Variants in WWP1 observed in about 807,000 individuals in gnomAD.
WWP1 encodes the protein WW domain containing E3 ubiquitin protein ligase 1.
In WWP1, 49 loss-of-function variants were observed where a neutral mutation model predicts 130.6. That is an observed-to-expected ratio of 0.38 (90% CI 0.30 to 0.48). The LOEUF is 0.48. WWP1 is among the 20% of genes least tolerant of loss of function. The pLI is 0.99. For synonymous variants in WWP1, 332 were observed against 367.8 expected (o/e 0.90, Z 1.11); for missense variants, 809 against 1,100.6 (o/e 0.74, Z 3.75).
chr8:86,375,065 T>C (rs1304288355), intron 3 of WWP1, among the ~76,000 whole-genome samples: 2 of 152,076 alleles, frequency 1.3e-5, no homozygotes, highest in African/African-American at 4.8e-5. Context: ...GTTTTTATCC[T>C]ACTACACCAG....
At chr8:86,436,204 A>C (rs951738013) in intron 16 of WWP1, among the ~76,000 whole-genome samples, 1 of 152,348 alleles carries the variant, frequency 6.6e-6, no homozygotes, top group South Asian at 2.1e-4. Flanking sequence ...TGTATTTACT[A>C]AAATAAAGCT....
intron 14 of WWP1, among the ~76,000 whole-genome samples, chr8:86,434,773 T>G (rs1181667094): frequency 6.6e-6 from 1 of 152,214 alleles, no homozygotes; most frequent in Non-Finnish European, 1.5e-5. Context: ...AGTAAATGCT[T>G]TTTGAGTAAG....
At chr8:86,438,542 C>A in intron 16 of WWP1, 43 bp from the exon 17 acceptor site, 1 of 1,428,020 alleles carries the variant, frequency 7.0e-7, no homozygotes, top group Non-Finnish European at 9.5e-7. Context: ...GGAACTTGTA[C>A]TGCATGTGAG....
intron 16 of WWP1, among the ~76,000 whole-genome samples, chr8:86,437,106 T>A (rs1035992757): frequency 3.3e-5 from 5 of 152,218 alleles, no homozygotes; most frequent in Admixed American, 1.3e-4. Context: ...ATGGTCTATT[T>A]GATGTATAGC....
At chr8:86,385,867 T>C (rs2130393123) in intron 5 of WWP1, among the ~76,000 whole-genome samples, 1 of 152,300 alleles carries the variant, frequency 6.6e-6, no homozygotes, top group Middle Eastern at 3.4e-3. Flanking sequence ...TATATAAAAA[T>C]TTTACTGTAT....
In WWP1 at chr8:86,371,757, A is replaced by G. The variant is rs116072086; in HGVS notation, c.-21-2273A>G. ...AATTAGTTTTTTGTTTCGCAAATTTATTCCAGTTTCTGGCATATCTTTTCA... is the reference window on the plus strand; with the variant it reads ...AATTAGTTTTTTGTTTCGCAAATTTGTTCCAGTTTCTGGCATATCTTTTCA... On this transcript the variant is annotated intron_variant, in intron 2 of 24. Coordinates refer to ENST00000517970, the MANE Select transcript of WWP1 (RefSeq NM_007013.4). 4.2e-3 allele frequency among the ~76,000 whole-genome samples: 633 copies of G among 152,270 alleles called. 2 individuals are homozygous for G. The highest frequency in any genetic ancestry group is 0.015 in the African/African-American group (608 of 41,548).
intron 2 of WWP1, 128 bp from the exon 3 acceptor site, chr8:86,373,902 G>T: frequency 6.0e-6 from 4 of 662,426 alleles, no homozygotes; most frequent in Admixed American, 3.0e-5. Context: ...TAATGGGATG[G>T]TAATAGGCTT....
chr8:86,367,765 G>A (rs1298492116), intron 1 of WWP1, among the ~76,000 whole-genome samples: 3 of 152,102 alleles, frequency 2.0e-5, no homozygotes, highest in Non-Finnish European at 4.4e-5. Context: ...CTCATATCCT[G>A]GGGACCAAGG....
intron 16 of WWP1, among the ~76,000 whole-genome samples, chr8:86,436,080 AT>A (rs1810275106): frequency 6.6e-6 from 1 of 152,134 alleles, no homozygotes; most frequent in Non-Finnish European, 1.5e-5. Flanking sequence ...GGCATCTTAC[AT>A]TTCTCATTTT....
intron 9 of WWP1, 116 bp downstream of exon 9, chr8:86,411,990 G>A (rs1309118920): frequency 3.0e-6 from 3 of 1,004,706 alleles, no homozygotes; most frequent in Non-Finnish European, 2.9e-6. Context: ...ATCTAAGTTG[G>A]GATCTGAATC....
chr8:86,454,591 C>T, intron 21 of WWP1, among the ~76,000 whole-genome samples: 1 of 152,122 alleles, frequency 6.6e-6, no homozygotes, highest in East Asian at 1.9e-4. Flanking sequence ...GGACATCTTG[C>T]ATCCTCTAAA....
At position 86,430,758 on chromosome 8, in the gene WWP1, T is replaced by C; in HGVS notation, c.1387+7T>C. On this transcript the variant is annotated splice_region_variant and intron_variant, in intron 12 of 24. Transcript: ENST00000517970. The stretch of plus-strand genomic sequence containing the variant: ...CCTTTGCCACCAGGCTGGGGTAAGC[T>C]GTTTTTGCTAATGATCTATAAGGGA... 2 of 1,539,346 alleles carry C rather than the reference T, an allele frequency of 1.3e-6. No homozygotes were observed. Among genetic ancestry groups the C allele is most frequent in the Admixed American group, 1.8e-5 (1 of 54,546 alleles).
chr8:86,356,550 C>T (rs2130156763), intron 1 of WWP1, among the ~76,000 whole-genome samples: 1 of 151,572 alleles, frequency 6.6e-6, no homozygotes, highest in Non-Finnish European at 1.5e-5. Flanking sequence ...AAAAAACTAC[C>T]TCATTCTCAG....
At chr8:86,416,022 C>G (rs1019482729) in intron 9 of WWP1, among the ~76,000 whole-genome samples, 1 of 152,174 alleles carries the variant, frequency 6.6e-6, no homozygotes, top group Admixed American at 6.5e-5. Context: ...TGGTAAATGC[C>G]TCTGGAAGAA....
intron 3 of WWP1, among the ~76,000 whole-genome samples, chr8:86,375,144 T>A (rs1052330810): frequency 7.2e-5 from 11 of 152,172 alleles, no homozygotes; most frequent in Admixed American, 2.0e-4. Flanking sequence ...TTTAAAAAAT[T>A]ACCAAAAACA....
At chr8:86,446,295 C>G (rs540454655) in intron 18 of WWP1, among the ~76,000 whole-genome samples, 1 of 152,162 alleles carries the variant, frequency 6.6e-6, no homozygotes, top group Admixed American at 6.5e-5. Context: ...GCTTATGTAT[C>G]TTCTTTTGAG....
At chr8:86,443,912 G>A (rs965509054) in intron 18 of WWP1, among the ~76,000 whole-genome samples, 4 of 152,188 alleles carry the variant, frequency 2.6e-5, no homozygotes, top group Non-Finnish European at 4.4e-5. Context: ...TAGGAGATGA[G>A]ATTGAGAGAT....
Position 86,442,684 on chromosome 8 carries a change from G to C in WWP1, c.1904G>C (p.Gly635Ala). 1 of 1,612,104 alleles carries C rather than the reference G, an allele frequency of 6.2e-7. No homozygotes were observed. Among genetic ancestry groups the C allele is most frequent in the Non-Finnish European group, 8.5e-7 (1 of 1,179,342 alleles). ...ATGTATTGCTTATTTGAGTATGCGG[G>C]CAAGAACAACTATTGTCTGCAGATA... ...NPMYCLFEYA[G>A]KNNYCLQINP... is the part of the protein sequence containing the mutation. Residue 635 changes from glycine (G) to alanine (A), a missense_variant, in exon 18 of 25, where the codon GGC becomes GCC. Physicochemically the swap from Gly to Ala is moderately conservative, Grantham distance 60. Transcript: ENST00000517970.
chr8:86,411,492 C>T (rs765565606), intron 8 of WWP1, 46 bp from the exon 9 acceptor site: 1 of 1,528,502 alleles, frequency 6.5e-7, no homozygotes, highest in Non-Finnish European at 8.9e-7. Context: ...TAATTGATTG[C>T]TTTATCATTA....
Sources: gnomAD v4.1 joint callset for allele counts (sites outside exome capture counted in the v4.1 genomes callset) on GRCh38, gnomAD v4.1.1 for gene constraint, MANE v1.5 for transcripts, NCBI Gene and HGNC (gene_info 2026-07-23, HGNC 2026-07-21) for gene names.